Variants in IL12RB2 observed in about 807,000 individuals in gnomAD.
IL12RB2 encodes interleukin-12 receptor subunit beta-2.
A neutral mutation model predicts 89.4 loss-of-function variants in IL12RB2; 82 were observed. The observed-to-expected ratio is 0.92, with a 90% confidence interval of 0.77 to 1.10. IL12RB2 has a LOEUF of 1.10. Among genes scored for constraint, IL12RB2 ranks in the 50% least tolerant of loss-of-function variants. The pLI is 0.00. For missense variants in IL12RB2, 963 were observed against 1,031.9 expected, an observed-to-expected ratio of 0.93 and a Z score of 0.92; for synonymous variants, 368 against 370.1, an observed-to-expected ratio of 0.99 and a Z score of 0.07.
Position 67,380,026 on chromosome 1 carries a change from C to G in IL12RB2, c.1758C>G (p.Asn586Lys), listed in dbSNP as rs777656673. ...YRVSQNSHPI[N>K]SLQPRVTYVL... ...TCTCCCAAAATTCACATCCAATAAA[C>G]AGCCTGCAGCCCCGAGTGACATATG... is the stretch of plus-strand genomic sequence containing the variant. The change falls in exon 14 of 17, where the codon AAC becomes AAG. Residue 586 changes from asparagine to lysine, a missense_variant. Physicochemically the swap from Asn to Lys is moderately conservative, Grantham distance 94 (BLOSUM62 0). Coordinates refer to ENST00000674203, the MANE Select transcript of IL12RB2 (RefSeq NM_001374259.2). 1 of 1,612,062 alleles carries G rather than the reference C, an allele frequency of 6.2e-7. No individual in the cohort carries two copies. The highest frequency in any genetic ancestry group is 2.2e-5 in the East Asian group (1 of 44,866).
intron 10 of IL12RB2, among the ~76,000 whole-genome samples, chr1:67,357,703 A>G (rs914434279): frequency 6.6e-5 from 10 of 152,194 alleles, no homozygotes; most frequent in African/African-American, 1.4e-4. Flanking sequence ...AAACTCCAAT[A>G]TATTTAAGAG....
rs71062413 is a variant in IL12RB2, at chr1:67,342,761, C to CTTTTTTTTTTTTTTTTTTTTTT, written c.1038+4074_1038+4075insTTTTTTTTTTTTTTTTTTTTTT. ...CTTGTACTACTTTTTAAAATCACAC[C>CTTTTTTTTTTTTTTTTTTTTTT]TTTTTTTTTTTTTTTTGAGACAGGG... On this transcript the variant is annotated intron_variant, in intron 9 of 16. Coordinates refer to ENST00000674203, the MANE Select transcript of IL12RB2 (RefSeq NM_001374259.2). Among the ~76,000 whole-genome samples the CTTTTTTTTTTTTTTTTTTTTTT allele has an allele frequency of 2.2e-5, 3 of 137,168 alleles. 1 individual carries two copies. 90.0% of individuals were successfully genotyped at this position (137,168 alleles called of 152,430 possible). A position where few individuals can be genotyped will look rare whatever the true frequency, so the allele number is the denominator to read the frequency against.
At chr1:67,333,511 G>A (rs191108614) in intron 8 of IL12RB2, among the ~76,000 whole-genome samples, 3 of 151,394 alleles carry the variant, frequency 2.0e-5, no homozygotes, top group Admixed American at 6.6e-5. Flanking sequence ...GTGGATTGGT[G>A]TAGTTGTTTA....
chr1:67,319,529 G>A (rs570787155), intron 2 of IL12RB2, among the ~76,000 whole-genome samples: 2 of 152,158 alleles, frequency 1.3e-5, no homozygotes, highest in African/African-American at 2.4e-5. Context: ...GCCATTTTTC[G>A]ATCTACTGAT....
chr1:67,337,459 GCA>G (rs1269317176), intron 8 of IL12RB2, among the ~76,000 whole-genome samples: 1 of 152,098 alleles, frequency 6.6e-6, no homozygotes. Flanking sequence ...ATGAACTCAT[GCA>G]CACACACACT....
At chr1:67,338,515 T>C (rs1438916668) in intron 8 of IL12RB2, 109 bp from the exon 9 acceptor site, 2 of 715,438 alleles carry the variant, frequency 2.8e-6, no homozygotes, top group Admixed American at 4.1e-5. Flanking sequence ...ACACAAATAA[T>C]TGAAGTTATC....
chr1:67,341,965 AT>A (rs11315106), intron 9 of IL12RB2, among the ~76,000 whole-genome samples: 102,470 of 152,096 alleles, frequency 0.67, 38,422 homozygotes, highest in South Asian at 0.85. Flanking sequence ...TCAAGAGGTG[AT>A]TTTCCAGTGA....
chr1:67,372,695 C>A lies in IL12RB2; in HGVS notation c.1629C>A (p.Ser543Arg). The change falls in exon 13 of 17, where the codon AGC (serine) becomes AGA (arginine). Residue 543 changes from serine (S) to arginine (R), a missense_variant. Coordinates refer to ENST00000674203, the MANE Select transcript of IL12RB2 (RefSeq NM_001374259.2). ...EKGSILISWNSIPVQEQMGCL... is the reference protein window; with the variant it reads ...EKGSILISWNRIPVQEQMGCL... ...GGAGCATTTTAATTTCATGGAACAG[C>A]ATTCCAGTCCAGGAGCAAATGGGCT... 6.2e-7 allele frequency: 1 copy of A among 1,608,102 alleles called. No homozygotes were observed. Among genetic ancestry groups the A allele is most frequent in the Non-Finnish European group, 8.5e-7 (1 of 1,174,486 alleles).
chr1:67,347,021 T>G (rs927571369), intron 9 of IL12RB2, among the ~76,000 whole-genome samples: 1 of 152,178 alleles, frequency 6.6e-6, no homozygotes, highest in African/African-American at 2.4e-5. Context: ...CTTAACTCAT[T>G]GAATGCTCCA....
chr1:67,391,358 TG>T (rs1665796304), intron 16 of IL12RB2, among the ~76,000 whole-genome samples: 2 of 121,936 alleles, frequency 1.6e-5, no homozygotes, highest in African/African-American at 3.6e-5. Flanking sequence ...ATAACAGCAG[TG>T]TGTGTGTGTG....
At chr1:67,340,419 T>A (rs1239854040) in intron 9 of IL12RB2, among the ~76,000 whole-genome samples, 1 of 152,236 alleles carries the variant, frequency 6.6e-6, no homozygotes, top group East Asian at 1.9e-4. Flanking sequence ...ATGTAAAGGT[T>A]TCTCCTCCAA....
At chr1:67,344,657 T>C (rs780425286) in intron 9 of IL12RB2, among the ~76,000 whole-genome samples, 9 of 152,234 alleles carry the variant, frequency 5.9e-5, no homozygotes, top group African/African-American at 9.6e-5. Context: ...TAATCAATTT[T>C]TAAAATTATT....
intron 10 of IL12RB2, among the ~76,000 whole-genome samples, chr1:67,367,355 A>C (rs532881534): frequency 6.2e-4 from 95 of 152,010 alleles, no homozygotes; most frequent in African/African-American, 2.3e-3. Flanking sequence ...TGCTTATGCC[A>C]CTGCACTCCA....
intron 1 of IL12RB2, among the ~76,000 whole-genome samples, chr1:67,308,685 G>C (rs983521558): frequency 1.3e-5 from 2 of 152,086 alleles, no homozygotes; most frequent in African/African-American, 4.8e-5. Context: ...TTAGATCCAG[G>C]TCTTACAAAT....
intron 9 of IL12RB2, among the ~76,000 whole-genome samples, chr1:67,343,322 T>C (rs1659860987): frequency 6.6e-6 from 1 of 152,202 alleles, no homozygotes; most frequent in South Asian, 2.1e-4. Flanking sequence ...GTTCAAGTGA[T>C]CTGCCCACCT....
At chr1:67,385,282 G>A (rs1164412944) in intron 14 of IL12RB2, among the ~76,000 whole-genome samples, 2 of 152,190 alleles carry the variant, frequency 1.3e-5, no homozygotes, top group African/African-American at 2.4e-5. Flanking sequence ...TCACAAGGCA[G>A]CAGGAGAGAG....
rs1557429350 is a variant in IL12RB2 at position 67,346,371 on chromosome 1, G to GTTATTTTTTTTT, written c.1039-4497_1039-4496insATTTTTTTTTTT. Among the ~76,000 whole-genome samples the GTTATTTTTTTTT allele has an allele frequency of 1.5e-5, 2 of 134,554 alleles. 1 individual carries two copies. Among genetic ancestry groups the GTTATTTTTTTTT allele is most frequent in the African/African-American group, 5.5e-5 (2 of 36,344 alleles). 88.3% of individuals were successfully genotyped at this position (134,554 alleles called of 152,430 possible). A position where few individuals can be genotyped will look rare whatever the true frequency, so the allele number is the denominator to read the frequency against. On this transcript the variant is annotated intron_variant, in intron 9 of 16. Coordinates refer to ENST00000674203, the MANE Select transcript of IL12RB2 (RefSeq NM_001374259.2). ...TGTTTTCTAAAATGTCCAGGTGAGG[G>GTTATTTTTTTTT]TTGTCTATTTTTTTTTTTTTTTTTT...
intron 14 of IL12RB2, among the ~76,000 whole-genome samples, chr1:67,381,458 G>A (rs1018281935): frequency 5.3e-5 from 8 of 152,146 alleles, no homozygotes; most frequent in Non-Finnish European, 8.8e-5. Flanking sequence ...TATCTCCCCA[G>A]CACTCCCATG....
chr1:67,337,135 C>T (rs748151066), intron 8 of IL12RB2, among the ~76,000 whole-genome samples: 2 of 152,172 alleles, frequency 1.3e-5, no homozygotes, highest in Non-Finnish European at 1.5e-5. Flanking sequence ...AGCACCTGCC[C>T]TCTACATGTG....
Sources: gnomAD v4.1 joint callset for allele counts (sites outside exome capture counted in the v4.1 genomes callset) on GRCh38, gnomAD v4.1.1 for gene constraint, MANE v1.5 for transcripts, NCBI Gene and HGNC (gene_info 2026-07-23, HGNC 2026-07-21) for gene names.